Variants in NRG3 observed in about 807,000 individuals in gnomAD.
NRG3 encodes pro-neuregulin-3, membrane-bound isoform.
In NRG3, 31 loss-of-function variants were observed where a neutral mutation model predicts 66.9. The observed-to-expected ratio is 0.46, with a 90% CI of 0.35 to 0.63. The LOEUF (loss-of-function observed/expected upper bound fraction) is 0.63, where lower values mean the gene tolerates loss of function less well. NRG3 is among the 20% of genes least tolerant of loss of function. The pLI is 0.00. For missense variants in NRG3, 910 were observed against 878.9 expected (o/e 1.04, Z -0.45); for synonymous variants, 393 against 359.4 (o/e 1.09, Z -1.06).
In NRG3 at chr10:81,978,725, T is replaced by C. The variant is rs1464814845; in HGVS notation, c.823+102562T>C. Among the ~76,000 whole-genome samples the C allele has an allele frequency of 2.0e-5, 3 of 152,216 alleles. No individual in the cohort carries two copies. In the East Asian group the frequency reaches 5.8e-4, roughly 29 times the overall value. On this transcript the variant is annotated intron_variant, in intron 1 of 8. Transcript: ENST00000372141. ...TATATATTTGCATCTTTCTTTTTTCTTTCTTTTGTTTTTAGAGATAGGGTC... is the reference window on the plus strand; with the variant it reads ...TATATATTTGCATCTTTCTTTTTTCCTTCTTTTGTTTTTAGAGATAGGGTC...
At chr10:82,555,300 T>C (rs80185224) in intron 2 of NRG3, among the ~76,000 whole-genome samples, 4,588 of 152,260 alleles carry the variant, frequency 0.03, 121 homozygotes, top group African/African-American at 0.075. Context: ...TTAAACCCAT[T>C]GTCCAGTTTC....
Position 82,973,501 on chromosome 10 carries a change from AGTGTGCCATGG to A in NRG3, c.1285-280_1285-270del, listed in dbSNP as rs1021479097. ...TAAGTGCCTTTTGGCTGTCAGTCAT[AGTGTGCCATGG>A]GTGTGCATTAATTAAAATGAGATAG... On this transcript the variant is annotated intron_variant, in intron 6 of 8. Coordinates refer to ENST00000372141, the MANE Select transcript of NRG3 (RefSeq NM_001010848.4). Among the ~76,000 whole-genome samples the A allele has an allele frequency of 3.6e-4, 55 of 152,330 alleles. No homozygotes were observed. The Middle Eastern group carries it at 0.014, about 38-fold the overall frequency.
At chr10:81,896,373 C>G (rs566982405) in intron 1 of NRG3, among the ~76,000 whole-genome samples, 1 of 152,120 alleles carries the variant, frequency 6.6e-6, no homozygotes, top group Non-Finnish European at 1.5e-5. Flanking sequence ...CATCCTATCT[C>G]GTGCCATTTC....
At chr10:82,433,295 C>G (rs1220409855) in intron 2 of NRG3, among the ~76,000 whole-genome samples, 1 of 152,100 alleles carries the variant, frequency 6.6e-6, no homozygotes, top group African/African-American at 2.4e-5. Context: ...ATCCTTTCCC[C>G]ATGTTTTGAT....
intron 4 of NRG3, among the ~76,000 whole-genome samples, chr10:82,888,781 G>A (rs1394891347): frequency 6.6e-6 from 1 of 151,904 alleles, no homozygotes; most frequent in Non-Finnish European, 1.5e-5. Flanking sequence ...CAGATAAAAG[G>A]CTGGACAGTG....
At position 82,354,540 on chromosome 10, in the gene NRG3, G is replaced by T. The variant is rs540414485; in HGVS notation, c.824-4199G>T. 9.2e-5 allele frequency among the ~76,000 whole-genome samples: 14 copies of T among 152,058 alleles called. No individual in the cohort carries two copies. The South Asian group carries it at 2.7e-3, about 29-fold the overall frequency. Reference sequence around the variant, plus strand: ...CAAGTAACTGTGAATACAGGTGCCTGCCACCATGCCTGGCTAATTTTTTGT... The same window carrying T: ...CAAGTAACTGTGAATACAGGTGCCTTCCACCATGCCTGGCTAATTTTTTGT... On this transcript the variant is annotated intron_variant, in intron 1 of 8. Transcript: ENST00000372141.
At chr10:82,923,455 C>T (rs1846654010) in intron 4 of NRG3, among the ~76,000 whole-genome samples, 1 of 152,206 alleles carries the variant, frequency 6.6e-6, no homozygotes, top group African/African-American at 2.4e-5. Flanking sequence ...TGTCTCCACC[C>T]TCTACTAGCT....
intron 2 of NRG3, among the ~76,000 whole-genome samples, chr10:82,393,436 A>G (rs534818745): frequency 4.8e-4 from 73 of 152,264 alleles, no homozygotes; most frequent in African/African-American, 1.8e-3. Context: ...AATATGACTG[A>G]TTGACATGGA....
chr10:82,015,786 C>T (rs1222102368), intron 1 of NRG3, among the ~76,000 whole-genome samples: 1 of 151,680 alleles, frequency 6.6e-6, no homozygotes, highest in Non-Finnish European at 1.5e-5. Flanking sequence ...AGTAAATAGC[C>T]ATATGACTGT....
intron 1 of NRG3, among the ~76,000 whole-genome samples, chr10:82,145,229 C>G (rs982727910): frequency 6.6e-6 from 1 of 152,134 alleles, no homozygotes; most frequent in Non-Finnish European, 1.5e-5. Context: ...CAAGGAATTG[C>G]TAAAATGAAA....
intron 1 of NRG3, among the ~76,000 whole-genome samples, chr10:82,329,397 T>G (rs907823255): frequency 6.8e-6 from 1 of 147,462 alleles, no homozygotes; most frequent in Non-Finnish European, 1.5e-5. Context: ...GTGCTAAGTT[T>G]TTTTGTTTTG....
At chr10:82,176,322 C>G (rs991882324) in intron 1 of NRG3, among the ~76,000 whole-genome samples, 1 of 152,168 alleles carries the variant, frequency 6.6e-6, no homozygotes, top group Non-Finnish European at 1.5e-5. Context: ...AACTCTTTCT[C>G]AGGAGCATAT....
chr10:82,593,306 G>A (rs2047087623), intron 2 of NRG3, among the ~76,000 whole-genome samples: 1 of 152,164 alleles, frequency 6.6e-6, no homozygotes, highest in African/African-American at 2.4e-5. Context: ...TACTGAACAG[G>A]TCACTGTTGG....
chr10:82,774,966 A>G (rs760142645), intron 3 of NRG3, among the ~76,000 whole-genome samples: 5 of 150,966 alleles, frequency 3.3e-5, no homozygotes, highest in African/African-American at 1.2e-4. Context: ...AGCTGGGATT[A>G]TAGGTGCTTG....
intron 2 of NRG3, among the ~76,000 whole-genome samples, chr10:82,731,275 G>C (rs566838217): frequency 6.6e-6 from 1 of 151,128 alleles, no homozygotes; most frequent in East Asian, 1.9e-4. Context: ...GCTGAGGCAG[G>C]AGAATTGCTT....
At chr10:82,656,403 T>C (rs1288701424) in intron 2 of NRG3, among the ~76,000 whole-genome samples, 3 of 149,268 alleles carry the variant, frequency 2.0e-5, no homozygotes, top group Middle Eastern at 7.0e-3. Context: ...AATTTGAAAA[T>C]AGAAAAGCAT....
chr10:82,906,907 G>A (rs1844785097), intron 4 of NRG3, among the ~76,000 whole-genome samples: 1 of 152,124 alleles, frequency 6.6e-6, no homozygotes, highest in Non-Finnish European at 1.5e-5. Flanking sequence ...GCATGATGGT[G>A]ATTATACACA....
chr10:82,531,289 A>G (rs1847232011), intron 2 of NRG3, among the ~76,000 whole-genome samples: 1 of 151,836 alleles, frequency 6.6e-6, no homozygotes, highest in African/African-American at 2.4e-5. Flanking sequence ...TCCCATTACC[A>G]ATGACATAAT....
At chr10:82,742,695 A>ATTTC in intron 3 of NRG3, among the ~76,000 whole-genome samples, 1 of 152,178 alleles carries the variant, frequency 6.6e-6, no homozygotes, top group East Asian at 1.9e-4. Context: ...TGAAGGGCAT[A>ATTTC]TTTCTGCCTC....
Sources: gnomAD v4.1 joint callset for allele counts (sites outside exome capture counted in the v4.1 genomes callset) on GRCh38, gnomAD v4.1.1 for gene constraint, MANE v1.5 for transcripts, NCBI Gene and HGNC (gene_info 2026-07-23, HGNC 2026-07-21) for gene names.